PPM1H: variants seen among roughly 807,000 people sequenced by gnomAD.
PPM1H encodes protein phosphatase, Mg2+/Mn2+ dependent 1H, also known as protein phosphatase 1H.
In PPM1H, 27 loss-of-function variants were observed where a neutral mutation model predicts 54.9. That is an observed-to-expected ratio of 0.49 (90% CI 0.36 to 0.68). The LOEUF is 0.68. PPM1H is among the 30% of genes least tolerant of loss of function. The pLI, the probability that PPM1H is intolerant of heterozygous loss-of-function variation, is 0.00. For missense variants in PPM1H, 596 were observed against 667.8 expected, an observed-to-expected ratio of 0.89 and a Z score of 1.19; for synonymous variants, 305 against 270.8, an observed-to-expected ratio of 1.13 and a Z score of -1.24.
intron 8 of PPM1H, among the ~76,000 whole-genome samples, chr12:62,674,940 G>A (rs1260629505): frequency 6.6e-6 from 1 of 152,126 alleles, no homozygotes; most frequent in Admixed American, 6.5e-5. Flanking sequence ...TTAGGCCTAG[G>A]TGGCCAATGG....
intron 8 of PPM1H, among the ~76,000 whole-genome samples, chr12:62,671,157 G>C (rs771164629): frequency 6.6e-6 from 1 of 152,024 alleles, no homozygotes; most frequent in Non-Finnish European, 1.5e-5. Flanking sequence ...TCCTTAAATA[G>C]CTTCTTAATG....
At chr12:62,812,009 G>A (rs2076838708) in intron 2 of PPM1H, among the ~76,000 whole-genome samples, 1 of 152,214 alleles carries the variant, frequency 6.6e-6, no homozygotes, top group African/African-American at 2.4e-5. Flanking sequence ...AACTCTGCTG[G>A]TATGTGGCAG....
At chr12:62,814,419 G>A (rs528304527) in intron 2 of PPM1H, among the ~76,000 whole-genome samples, 1 of 151,546 alleles carries the variant, frequency 6.6e-6, no homozygotes, top group East Asian at 1.9e-4. Flanking sequence ...GTCTTGCTAT[G>A]TTGCCCAGGC....
chr12:62,820,743 C>G (rs1395714685), intron 2 of PPM1H, among the ~76,000 whole-genome samples: 3 of 152,152 alleles, frequency 2.0e-5, no homozygotes, highest in Non-Finnish European at 4.4e-5. Context: ...AAAGGACATC[C>G]ACACCAACAC....
intron 9 of PPM1H, among the ~76,000 whole-genome samples, chr12:62,662,986 G>A (rs2075893511): frequency 6.6e-6 from 1 of 152,010 alleles, no homozygotes; most frequent in Non-Finnish European, 1.5e-5. Context: ...TCTAATGTAT[G>A]TATTCCTCTA....
chr12:62,652,857 C>T (rs4763187), intron 9 of PPM1H, among the ~76,000 whole-genome samples: 56,442 of 151,964 alleles, frequency 0.37, 10,585 homozygotes, highest in South Asian at 0.48. Context: ...TATGAAACTA[C>T]TCCTTGCTTC....
At chr12:62,891,517 T>C (rs1870795956) in intron 1 of PPM1H, among the ~76,000 whole-genome samples, 1 of 152,266 alleles carries the variant, frequency 6.6e-6, no homozygotes, top group Admixed American at 6.5e-5. Flanking sequence ...CTGCCCAGTT[T>C]GCCTCTTCTC....
chr12:62,752,350 G>C (rs1407407259), intron 4 of PPM1H, among the ~76,000 whole-genome samples: 1 of 152,082 alleles, frequency 6.6e-6, no homozygotes, highest in Non-Finnish European at 1.5e-5. Context: ...TTAAGGAACT[G>C]TATGAAAGAA....
chr12:62,727,436 G>A (rs927957632), intron 5 of PPM1H, among the ~76,000 whole-genome samples: 3 of 151,978 alleles, frequency 2.0e-5, no homozygotes, highest in Admixed American at 6.6e-5. Flanking sequence ...TTGGACCCAC[G>A]TAGTTTGGAT....
chr12:62,818,826 T>C (rs1033716228), intron 2 of PPM1H, among the ~76,000 whole-genome samples: 4 of 144,276 alleles, frequency 2.8e-5, no homozygotes, highest in African/African-American at 1.1e-4. Flanking sequence ...TTTTTCTTTT[T>C]TTTTTTTTTT....
intron 9 of PPM1H, chr12:62,659,125 T>G: frequency 1.4e-6 from 1 of 736,048 alleles, no homozygotes; most frequent in Non-Finnish European, 2.5e-6. Flanking sequence ...ATTCACAATG[T>G]TTCCTCCAAG....
At chr12:62,882,393 G>A (rs1870429206) in intron 1 of PPM1H, among the ~76,000 whole-genome samples, 1 of 152,234 alleles carries the variant, frequency 6.6e-6, no homozygotes. Flanking sequence ...CTTTGCCCCA[G>A]GGCACTGACC....
chr12:62,705,412 C>A (rs1044027725), intron 6 of PPM1H, among the ~76,000 whole-genome samples: 1 of 152,172 alleles, frequency 6.6e-6, no homozygotes, highest in East Asian at 1.9e-4. Context: ...GGCACTGGCA[C>A]AGGTGCTGGG....
chr12:62,764,755 T>C (rs143280143), intron 4 of PPM1H, among the ~76,000 whole-genome samples: 54 of 152,074 alleles, frequency 3.6e-4, no homozygotes, highest in African/African-American at 1.2e-3. Context: ...TCTGTGAAGG[T>C]GGGAGATGCC....
intron 2 of PPM1H, among the ~76,000 whole-genome samples, chr12:62,830,819 A>G (rs1462023600): frequency 6.6e-6 from 1 of 152,152 alleles, no homozygotes; most frequent in Non-Finnish European, 1.5e-5. Context: ...AATACTTATC[A>G]ATCCCTGAGC....
At chr12:62,890,405 C>T (rs150614752) in intron 1 of PPM1H, among the ~76,000 whole-genome samples, 1 of 152,278 alleles carries the variant, frequency 6.6e-6, no homozygotes, top group African/African-American at 2.4e-5. Flanking sequence ...CTGCAGTGAA[C>T]AATGATCGTG....
At position 62,842,618 on chromosome 12, in the gene PPM1H, AC is replaced by A. The variant is rs562357286; in HGVS notation, c.246-10340del. ...CTAGGCCTCTGGTATTTTTCTTTAA[AC>A]CTTAAAGTAACACAAGAGGAATAAA... On this transcript the variant is annotated intron_variant, in intron 1 of 9. Coordinates refer to ENST00000228705, the MANE Select transcript of PPM1H (RefSeq NM_020700.2). Among the ~76,000 whole-genome samples the A allele has an allele frequency of 2.4e-3, 359 of 152,292 alleles. 1 individual carries two copies. The highest frequency in any genetic ancestry group is 8.1e-3 in the African/African-American group (338 of 41,564).
intron 4 of PPM1H, among the ~76,000 whole-genome samples, chr12:62,783,271 C>T (rs2076652441): frequency 6.6e-6 from 1 of 152,210 alleles, no homozygotes; most frequent in Non-Finnish European, 1.5e-5. Context: ...TCAACAACTG[C>T]AGTGCGTTTA....
chr12:62,881,225 T>A lies in PPM1H; in HGVS notation c.246-48946A>T, dbSNP rs571507086. On this transcript the variant is annotated intron_variant, in intron 1 of 9. Transcript: ENST00000228705. The stretch of plus-strand genomic sequence containing the variant: ...AGACCTTCTCCTGAAAGTTGGTAGA[T>A]GGAAGGGAGATGTGGCCGTCTGTAG... Among the ~76,000 whole-genome samples, 207 of 152,298 alleles carry A rather than the reference T, an allele frequency of 1.4e-3. 2 individuals are homozygous for A. Among genetic ancestry groups the A allele is most frequent in the South Asian group, 0.01 (50 of 4,828 alleles).
Sources: allele counts gnomAD v4.1 joint callset (sites outside exome capture counted in the v4.1 genomes callset), GRCh38; gene constraint gnomAD v4.1.1; transcripts MANE v1.5; gene names NCBI Gene and HGNC (gene_info 2026-07-23, HGNC 2026-07-21).